The following STOX2 variants were observed in gnomAD, a reference collection of about 807,000 sequenced individuals.
STOX2 encodes storkhead-box protein 2.
STOX2 carries 28 observed loss-of-function variants against 60.9 expected under a neutral mutation model. The observed-to-expected ratio is 0.46, with a 90% CI of 0.34 to 0.63. STOX2 has a LOEUF of 0.63. Ranked by LOEUF, STOX2 falls within the 30% of genes least tolerant of loss-of-function variation. STOX2 has a pLI of 0.01. For missense variants in STOX2, 1,024 were observed against 1,187.7 expected (o/e 0.86, Z 2.03); for synonymous variants, 472 against 463.9 (o/e 1.02, Z -0.22).
At chr4:183,909,516 A>G (rs1246239879) in intron 1 of STOX2, among the ~76,000 whole-genome samples, 1 of 152,216 alleles carries the variant, frequency 6.6e-6, no homozygotes, top group Non-Finnish European at 1.5e-5. Flanking sequence ...GGTTCAAAGG[A>G]CAAGATAAGC....
At chr4:183,824,011 C>T (rs888007284) in intron 1 of STOX2, among the ~76,000 whole-genome samples, 8 of 152,176 alleles carry the variant, frequency 5.3e-5, no homozygotes, top group Non-Finnish European at 7.3e-5. Flanking sequence ...ATCGTAAAAT[C>T]GGCTACTGAA....
chr4:184,017,047 A>G, intron 3 of STOX2, 42 bp from the exon 4 acceptor site: 1 of 1,495,488 alleles, frequency 6.7e-7, no homozygotes, highest in Non-Finnish European at 9.0e-7. Flanking sequence ...ATAATTATTT[A>G]TGTTCCAAAC....
rs1734544912 is a variant in STOX2 at position 184,020,592 on chromosome 4, T to C, written c.*3308T>C. The C allele has an allele frequency of 6.6e-6, 1 of 151,976 alleles. No individual in the cohort carries two copies. Among genetic ancestry groups the C allele is most frequent in the Non-Finnish European group, 1.5e-5 (1 of 68,022 alleles). 9.4% of individuals were successfully genotyped at this position (151,976 alleles called of 1,614,324 possible). A position where few individuals can be genotyped will look rare whatever the true frequency, so the allele number is the denominator to read the frequency against. On this transcript the variant is annotated 3_prime_UTR_variant, in exon 4 of 4. Coordinates refer to ENST00000308497, the MANE Select transcript of STOX2 (RefSeq NM_020225.3). ...CAAACTCCACTTTAATTAAAAGAGC[T>C]GTGCTGTGAATTCCACAACTTCTGT...
intron 1 of STOX2, among the ~76,000 whole-genome samples, chr4:183,811,508 T>G (rs1367084669): frequency 6.6e-6 from 1 of 152,360 alleles, no homozygotes; most frequent in East Asian, 1.9e-4. Flanking sequence ...ATGCTTCTCC[T>G]GTTTTAAATC....
rs1180216795 is a variant in STOX2, at chr4:183,856,130, G to GT, written c.364+58076dup. ...AAACATCCTAAGTGCGCACCCTGGGGTCTCGAATAGGCTGGTCACAGATTT... is the reference window on the plus strand; with the variant it reads ...AAACATCCTAAGTGCGCACCCTGGGGTTCTCGAATAGGCTGGTCACAGATTT... On this transcript the variant is annotated intron_variant, in intron 1 of 2. Transcript: ENST00000513034. The surrounding 1 kb of genome is among the most constrained non-coding windows in gnomAD (Gnocchi z 4.0). 6.6e-6 allele frequency among the ~76,000 whole-genome samples: 1 copy of GT among 152,080 alleles called. No individual in the cohort carries two copies. The highest frequency in any genetic ancestry group is 1.5e-5 in the Non-Finnish European group (1 of 68,002).
At chr4:183,875,430 A>C (rs1740807438) in intron 1 of STOX2, among the ~76,000 whole-genome samples, 1 of 152,102 alleles carries the variant, frequency 6.6e-6, no homozygotes, top group Non-Finnish European at 1.5e-5. Flanking sequence ...TGGCTTTTCT[A>C]GGGAGAGTCT....
intron 1 of STOX2, among the ~76,000 whole-genome samples, chr4:183,959,640 A>G (rs1412564071): frequency 6.6e-6 from 1 of 152,150 alleles, no homozygotes; most frequent in Non-Finnish European, 1.5e-5. Context: ...CTCTGCTTGC[A>G]TTGTGGAATT....
intron 1 of STOX2, among the ~76,000 whole-genome samples, chr4:183,959,289 CT>C (rs1184071491): frequency 6.6e-6 from 1 of 152,040 alleles, no homozygotes; most frequent in Non-Finnish European, 1.5e-5. Context: ...CTAAGAATGC[CT>C]TTGGTATCAA....
intron 1 of STOX2, among the ~76,000 whole-genome samples, chr4:183,973,410 A>G (rs896262922): frequency 1.3e-5 from 2 of 152,246 alleles, no homozygotes; most frequent in African/African-American, 4.8e-5. Flanking sequence ...TACATAACAT[A>G]TAATAGAACA....
At chr4:183,990,116 G>A (rs189699721) in intron 1 of STOX2, among the ~76,000 whole-genome samples, 3 of 152,302 alleles carry the variant, frequency 2.0e-5, no homozygotes, top group Non-Finnish European at 2.9e-5. Flanking sequence ...TCAGAGCAAC[G>A]TTGAGGATGC....
At chr4:183,951,448 T>C (rs866552672) in intron 1 of STOX2, among the ~76,000 whole-genome samples, 11 of 132,896 alleles carry the variant, frequency 8.3e-5, no homozygotes, top group East Asian at 2.2e-4. Flanking sequence ...CTCTCTCTTT[T>C]TTTTTTTTTT....
chr4:183,880,932 G>A (rs992691310), intron 1 of STOX2, among the ~76,000 whole-genome samples: 1 of 152,110 alleles, frequency 6.6e-6, no homozygotes, highest in African/African-American at 2.4e-5. Flanking sequence ...GTGATTGTTG[G>A]AGAGTTAAAA....
At chr4:183,879,477 C>T (rs1579366573) in intron 1 of STOX2, among the ~76,000 whole-genome samples, 2 of 152,174 alleles carry the variant, frequency 1.3e-5, no homozygotes, top group South Asian at 2.1e-4. Flanking sequence ...TGCGGCTGGG[C>T]GCTGGGATAC....
chr4:183,913,260 T>C (rs943479634), intron 1 of STOX2, among the ~76,000 whole-genome samples: 4 of 152,152 alleles, frequency 2.6e-5, no homozygotes, highest in Non-Finnish European at 4.4e-5. Flanking sequence ...CCAGAAATAA[T>C]GTGTGGGATC....
At chr4:183,958,576 TCTC>T (rs1376178292) in intron 1 of STOX2, among the ~76,000 whole-genome samples, 1 of 152,160 alleles carries the variant, frequency 6.6e-6, no homozygotes, top group Non-Finnish European at 1.5e-5. Flanking sequence ...CTCATTCTCT[TCTC>T]CTTTTCTATT....
At chr4:183,879,375 G>T (rs530555561) in intron 1 of STOX2, among the ~76,000 whole-genome samples, 1 of 152,172 alleles carries the variant, frequency 6.6e-6, no homozygotes, top group East Asian at 1.9e-4. Flanking sequence ...AGAAGCACAC[G>T]GTGGCTCTAT....
Position 184,009,402 on chromosome 4 carries a change from A to T in STOX2, c.564A>T (p.Glu188Asp). 1.2e-6 allele frequency: 2 copies of T among 1,613,996 alleles called. No homozygotes were observed. Among genetic ancestry groups the T allele is most frequent in the Non-Finnish European group, 1.7e-6 (2 of 1,179,890 alleles). The stretch of plus-strand genomic sequence containing the variant: ...CCTCTGCCTCAGGCTGTGTCAGGGA[A>T]AGGACATTGCCCCGAAACCACTGCG... ...ITPSASGCVR[E>D]RTLPRNHCDS... Residue 188 changes from glutamate to aspartate, a missense_variant, in exon 3 of 4, where the codon GAA (glutamate) becomes GAT (aspartate). Around this residue, in one of 3 missense-constraint regions of STOX2, gnomAD observed 922 missense variants for 1,058.3 expected, o/e 0.87. Transcript: ENST00000308497. The surrounding 1 kb of genome is among the most constrained non-coding windows in gnomAD (Gnocchi z 4.0).
At chr4:184,007,038 C>CA (rs1010667959) in intron 2 of STOX2, among the ~76,000 whole-genome samples, 18 of 62,604 alleles carry the variant, frequency 2.9e-4, no homozygotes, top group East Asian at 5.5e-4. Flanking sequence ...AAAAACAAAA[C>CA]AAAAAAAAAA....
chr4:184,000,565 T>C (rs1387469956), intron 1 of STOX2, among the ~76,000 whole-genome samples: 1 of 152,138 alleles, frequency 6.6e-6, no homozygotes, highest in Non-Finnish European at 1.5e-5. Context: ...TTCATGGTCG[T>C]CCCTACCTAC....
Sources: allele counts gnomAD v4.1 joint callset (sites outside exome capture counted in the v4.1 genomes callset), GRCh38; gene constraint gnomAD v4.1.1; regional missense constraint gnomAD v4.1.1; non-coding constraint Gnocchi (gnomAD v3.1); transcripts MANE v1.5; gene names NCBI Gene and HGNC (gene_info 2026-07-23, HGNC 2026-07-21).